The following RBFOX1 variants were observed in gnomAD, a reference collection of about 807,000 sequenced individuals.
RBFOX1 encodes the protein RNA binding protein fox-1 homolog 1.
A neutral mutation model predicts 57.7 loss-of-function variants in RBFOX1; 8 were observed. The observed-to-expected ratio is 0.14, with a 90% CI of 0.08 to 0.25. The LOEUF is 0.25. Ranked by LOEUF, RBFOX1 falls within the 10% of genes least tolerant of loss-of-function variation. The pLI is 1.00. For synonymous variants in RBFOX1, 326 were observed against 222.4 expected (o/e 1.47, Z -4.15); for missense variants, 611 against 548.5 (o/e 1.11, Z -1.14).
intron 2 of RBFOX1, among the ~76,000 whole-genome samples, chr16:5,581,225 G>C (rs17138116): frequency 0.049 from 7,405 of 152,194 alleles, 614 homozygotes; most frequent in African/African-American, 0.17. Flanking sequence ...TAAAAATTCT[G>C]CCAGTTCAGA....
intron 4 of RBFOX1, among the ~76,000 whole-genome samples, chr16:7,093,915 G>T (rs1381827713): frequency 1.3e-5 from 2 of 151,626 alleles, no homozygotes; most frequent in Non-Finnish European, 1.5e-5. Flanking sequence ...AAAGATTCTT[G>T]GAAAACATAA....
At chr16:7,006,617 G>A (rs182806543) in intron 3 of RBFOX1, among the ~76,000 whole-genome samples, 369 of 152,080 alleles carry the variant, frequency 2.4e-3, no homozygotes, top group Non-Finnish European at 4.3e-3. Flanking sequence ...ACCTGGCTTG[G>A]TTTCGGGTTT....
chr16:5,707,204 C>G (rs1424324222), intron 3 of RBFOX1, among the ~76,000 whole-genome samples: 1 of 152,296 alleles, frequency 6.6e-6, no homozygotes, highest in South Asian at 2.1e-4. Context: ...ACACCTGTAA[C>G]TATCTCTAAT....
chr16:6,866,571 T>G lies in RBFOX1; in HGVS notation c.-15-185486T>G, dbSNP rs558768533. Among the ~76,000 whole-genome samples, 683 of 104,608 alleles carry G rather than the reference T, an allele frequency of 6.5e-3. 11 individuals are homozygous for G. Among genetic ancestry groups the G allele is most frequent in the African/African-American group, 0.029 (645 of 21,952 alleles). 68.6% of individuals were successfully genotyped at this position (104,608 alleles called of 152,430 possible). On this transcript the variant is annotated intron_variant, in intron 3 of 15. Transcript: ENST00000550418. Reference sequence around the variant, plus strand: ...TTTTTTTTTTTTTTGAGTTGGAGTCTCGCTCTGTCCCCCAGGCTGGAGTGC... The same window carrying G: ...TTTTTTTTTTTTTTGAGTTGGAGTCGCGCTCTGTCCCCCAGGCTGGAGTGC...
At chr16:7,554,650 C>A (rs985462117) in intron 5 of RBFOX1, among the ~76,000 whole-genome samples, 1 of 147,130 alleles carries the variant, frequency 6.8e-6, no homozygotes, top group Non-Finnish European at 1.5e-5. Flanking sequence ...AGCCTCTAAC[C>A]TTTTTTTTTT....
chr16:6,254,076 G>A (rs1034061512), intron 1 of RBFOX1, among the ~76,000 whole-genome samples: 23 of 152,238 alleles, frequency 1.5e-4, no homozygotes, highest in East Asian at 3.9e-4. Flanking sequence ...ACAAACTTAC[G>A]ATCAAGGAAT....
intron 6 of RBFOX1, among the ~76,000 whole-genome samples, chr16:7,580,940 T>G (rs2093711714): frequency 6.6e-6 from 1 of 152,182 alleles, no homozygotes; most frequent in Non-Finnish European, 1.5e-5. Flanking sequence ...AATAAATGGA[T>G]GCAAATATCA....
intron 3 of RBFOX1, among the ~76,000 whole-genome samples, chr16:7,046,230 G>A (rs891570529): frequency 2.8e-5 from 4 of 144,270 alleles, no homozygotes; most frequent in Non-Finnish European, 5.9e-5. Context: ...TGAGGTTTAG[G>A]TAAAGGGGTG....
At chr16:6,722,609 C>G (rs539185393) in intron 3 of RBFOX1, among the ~76,000 whole-genome samples, 1 of 152,236 alleles carries the variant, frequency 6.6e-6, no homozygotes, top group African/African-American at 2.4e-5. Flanking sequence ...TCAAGGGGTC[C>G]TTAAGTTTCT....
intron 3 of RBFOX1, among the ~76,000 whole-genome samples, chr16:6,664,078 C>T (rs2098717456): frequency 6.6e-6 from 1 of 152,202 alleles, no homozygotes; most frequent in African/African-American, 2.4e-5. Context: ...AAGACAGTTT[C>T]TTTGTCTTAT....
At chr16:5,859,454 A>G (rs1156598934) in intron 3 of RBFOX1, among the ~76,000 whole-genome samples, 1 of 152,246 alleles carries the variant, frequency 6.6e-6, no homozygotes, top group African/African-American at 2.4e-5. Flanking sequence ...TGAGCCTCAG[A>G]CAGGTAAGGT....
At chr16:7,691,287 T>C (rs1223244214) in intron 14 of RBFOX1, among the ~76,000 whole-genome samples, 1 of 150,008 alleles carries the variant, frequency 6.7e-6, no homozygotes, top group Admixed American at 6.7e-5. Flanking sequence ...TCAAAGGGAG[T>C]AGTCCCTTTT....
chr16:5,438,359 G>C (rs942758901), intron 1 of RBFOX1, among the ~76,000 whole-genome samples: 8 of 152,160 alleles, frequency 5.3e-5, no homozygotes, highest in Admixed American at 1.3e-4. Context: ...CATTTATTCA[G>C]GTATTTGTTG....
At chr16:5,305,032 T>C (rs996632721) in intron 1 of RBFOX1, among the ~76,000 whole-genome samples, 1 of 152,106 alleles carries the variant, frequency 6.6e-6, no homozygotes, top group Admixed American at 6.6e-5. Flanking sequence ...CACAGGTAGG[T>C]TTTCATCCAC....
At chr16:7,574,223 G>T (rs1428586898) in intron 5 of RBFOX1, among the ~76,000 whole-genome samples, 1 of 152,172 alleles carries the variant, frequency 6.6e-6, no homozygotes, top group Non-Finnish European at 1.5e-5. Context: ...ATGATCGAAG[G>T]CCACTGGGGA....
At chr16:6,025,296 G>T (rs183910247) in intron 1 of RBFOX1, among the ~76,000 whole-genome samples, 6 of 152,248 alleles carry the variant, frequency 3.9e-5, no homozygotes, top group African/African-American at 1.4e-4. Context: ...AATTAAACTC[G>T]ATTCCCCACC....
chr16:7,548,183 A>G (rs1182739853), intron 5 of RBFOX1, among the ~76,000 whole-genome samples: 1 of 152,016 alleles, frequency 6.6e-6, no homozygotes, highest in African/African-American at 2.4e-5. Flanking sequence ...TTTTATTTTT[A>G]CTTTTGAGAC....
chr16:7,652,828 C>G (rs150748730), intron 11 of RBFOX1, among the ~76,000 whole-genome samples: 2 of 152,300 alleles, frequency 1.3e-5, no homozygotes, highest in African/African-American at 2.4e-5. Context: ...TGGTAATAAG[C>G]TGTTTCTCAT....
chr16:6,652,919 A>G lies in RBFOX1; in HGVS notation c.-63-1684A>G, dbSNP rs569706424. On this transcript the variant is annotated intron_variant, in intron 2 of 15. Transcript: ENST00000550418. ...ATTGTTAATGATATTGTATTTTATC[A>G]CAATAAGGTAATAAAACTCTGAGTG... 3.0e-4 allele frequency among the ~76,000 whole-genome samples: 45 copies of G among 152,356 alleles called. 1 individual carries two copies. The South Asian group carries it at 9.3e-3, about 32-fold the overall frequency.
Sources: allele counts gnomAD v4.1 joint callset (sites outside exome capture counted in the v4.1 genomes callset), GRCh38; gene constraint gnomAD v4.1.1; transcripts MANE v1.5; gene names NCBI Gene and HGNC (gene_info 2026-07-23, HGNC 2026-07-21).